Variants in BOC observed in about 807,000 individuals in gnomAD.
BOC encodes the protein BOC cell adhesion associated, oncogene regulated, also known as brother of CDO.
BOC carries 76 observed loss-of-function variants against 112.0 expected under a neutral mutation model. The observed-to-expected ratio is 0.68, with a 90% CI of 0.56 to 0.82. The LOEUF (loss-of-function observed/expected upper bound fraction) is 0.82, where lower values mean the gene tolerates loss of function less well. Among genes scored for constraint, BOC ranks in the 40% least tolerant of loss-of-function variants. The pLI is 0.00. For synonymous variants in BOC, 580 were observed against 599.8 expected (o/e 0.97, Z 0.48); for missense variants, 1,309 against 1,511.7 (o/e 0.87, Z 2.22).
chr3:113,262,295 C>T (rs970770714), intron 4 of BOC, among the ~76,000 whole-genome samples: 6 of 152,222 alleles, frequency 3.9e-5, no homozygotes, highest in African/African-American at 1.4e-4. Flanking sequence ...GTGAGGACTA[C>T]GCTGGAGAAC....
chr3:113,255,574 C>G (rs1450234212), intron 4 of BOC, among the ~76,000 whole-genome samples: 1 of 152,160 alleles, frequency 6.6e-6, no homozygotes, highest in East Asian at 1.9e-4. Context: ...AGGTAGCTAC[C>G]TATAATTCTA....
At chr3:113,264,689 G>C (rs2107584891) in intron 4 of BOC, among the ~76,000 whole-genome samples, 1 of 152,236 alleles carries the variant, frequency 6.6e-6, no homozygotes, top group South Asian at 2.1e-4. Context: ...ACTAGAGAAA[G>C]GGGTCCTCTG....
chr3:113,271,261 T>C, intron 6 of BOC: 1 of 532,158 alleles, frequency 1.9e-6, no homozygotes, highest in Non-Finnish European at 3.6e-6. Context: ...CGGTGGGTCT[T>C]GTCTCAAGCT....
rs61735687 is a variant in BOC at position 113,279,827 on chromosome 3, C to T, written c.2027C>T (p.Thr676Ile). The change falls in exon 13 of 20, where the codon ACC (threonine) becomes ATC (isoleucine). Residue 676 changes from threonine (T) to isoleucine (I), a missense_variant. Transcript: ENST00000682979. The part of the protein sequence containing the change: ...SVEITGLEKG[T>I]SYKFRVRALN... The stretch of plus-strand genomic sequence containing the variant: ...CAGTGAGTGTCCCTCTCACCAGGCA[C>T]CTCCTACAAGTTTCGAGTCCGGGCT... 8.7e-6 allele frequency: 14 copies of T among 1,604,158 alleles called. No individual in the cohort carries two copies. Among genetic ancestry groups the T allele is most frequent in the Admixed American group, 5.1e-5 (3 of 58,752 alleles).
Position 113,216,281 on chromosome 3 carries a change from G to A in BOC, c.-82+7G>A, listed in dbSNP as rs1939346520. On this transcript the variant is annotated splice_region_variant and intron_variant, in intron 2 of 19. Transcript: ENST00000682979. ...CAGCTCGAAAGTAGAAGAAGTGGGT[G>A]AGGTTTTCTCTTCAGTCTGATAGCT... 4.4e-6 allele frequency: 2 copies of A among 456,544 alleles called. No individual in the cohort carries two copies. Among genetic ancestry groups the A allele is most frequent in the Non-Finnish European group, 4.4e-6 (1 of 226,938 alleles). 28.3% of individuals were successfully genotyped at this position (456,544 alleles called of 1,614,324 possible). A position where few individuals can be genotyped will look rare whatever the true frequency, so the allele number is the denominator to read the frequency against.
intron 2 of BOC, among the ~76,000 whole-genome samples, chr3:113,236,809 G>C (rs528273513): frequency 6.6e-6 from 1 of 152,340 alleles, no homozygotes; most frequent in Non-Finnish European, 1.5e-5. Flanking sequence ...CAGGCATCCA[G>C]TGAATGGCTT....
rs146459508 is a variant in BOC, at chr3:113,286,896, G to GTT, written c.*43_*44dup. 8,104 of 1,285,798 alleles carry GTT rather than the reference G, an allele frequency of 6.3e-3. 11 individuals are homozygous for GTT. Among genetic ancestry groups the GTT allele is most frequent in the East Asian group, 0.025 (900 of 36,014 alleles). The allele number at this position is 1,285,798 out of a possible 1,614,324, so 79.6% of individuals were successfully genotyped here. A position where few individuals can be genotyped will look rare whatever the true frequency, so the allele number is the denominator to read the frequency against. ...TGATATCCCAGAAAGACTATATATT[G>GTT]TTTTTTTTTTAAAAAAAAAAAGAAG... is the stretch of plus-strand genomic sequence containing the variant. On this transcript the variant is annotated 3_prime_UTR_variant, in exon 20 of 20. Coordinates refer to ENST00000682979, the MANE Select transcript of BOC (RefSeq NM_001378074.1).
chr3:113,249,186 C>T (rs755447896), intron 2 of BOC, among the ~76,000 whole-genome samples: 2 of 152,172 alleles, frequency 1.3e-5, no homozygotes, highest in African/African-American at 2.4e-5. Flanking sequence ...TTTCATGAGT[C>T]ACTGAGATGC....
intron 7 of BOC, 70 bp from the exon 8 acceptor site, chr3:113,272,999 C>G: frequency 6.6e-7 from 1 of 1,525,340 alleles, no homozygotes; most frequent in Non-Finnish European, 8.9e-7. Context: ...CTAACTACAT[C>G]CCTCCCAGCC....
At chr3:113,254,402 G>A (rs768161179) in intron 4 of BOC, among the ~76,000 whole-genome samples, 4 of 152,190 alleles carry the variant, frequency 2.6e-5, no homozygotes, top group African/African-American at 4.8e-5. Flanking sequence ...ACGAGGTGGC[G>A]GGAAGGTGGG....
At chr3:113,262,502 G>A (rs1308887524) in intron 4 of BOC, among the ~76,000 whole-genome samples, 7 of 152,142 alleles carry the variant, frequency 4.6e-5, no homozygotes, top group Non-Finnish European at 8.8e-5. Flanking sequence ...GTTTTGTCCC[G>A]CTTTGTGGGC....
intron 2 of BOC, among the ~76,000 whole-genome samples, chr3:113,217,399 C>T (rs1466848): frequency 0.91 from 138,313 of 152,208 alleles, 62,966 homozygotes; most frequent in Non-Finnish European, 0.94. Flanking sequence ...TGGTGGCATG[C>T]GCCTGTAATC....
At chr3:113,261,191 G>A (rs1345864985) in intron 4 of BOC, among the ~76,000 whole-genome samples, 1 of 152,100 alleles carries the variant, frequency 6.6e-6, no homozygotes, top group Non-Finnish European at 1.5e-5. Flanking sequence ...CTCAGCCTCC[G>A]CTTTCTCTCC....
At chr3:113,284,694 G>A in intron 17 of BOC, 88 bp from the exon 18 acceptor site, 2 of 1,524,466 alleles carry the variant, frequency 1.3e-6, no homozygotes, top group Non-Finnish European at 1.8e-6. Flanking sequence ...TCTTTAGTCA[G>A]GAGCAGATGC....
chr3:113,249,622 C>T (rs1576410213), intron 2 of BOC, 100 bp from the exon 3 acceptor site: 1 of 525,686 alleles, frequency 1.9e-6, no homozygotes, highest in East Asian at 3.4e-5. Context: ...TGAATGTTGC[C>T]AACAGGGAAC....
At chr3:113,279,655 C>T (rs1949002867) in intron 12 of BOC, 169 bp from the exon 13 acceptor site, 2 of 842,648 alleles carry the variant, frequency 2.4e-6, no homozygotes, top group Non-Finnish European at 3.7e-6. Context: ...GAGCCATCTC[C>T]CCTGCAGCTC....
chr3:113,279,574 GCCTCCATGTTGCTGTCTGTGGTGTTTA>G, intron 12 of BOC, 119 bp downstream of exon 12: 2 of 1,001,004 alleles, frequency 2.0e-6, no homozygotes, highest in South Asian at 3.2e-5. Flanking sequence ...CCACCAGCAT[GCCTCCATGTTGCTGTCTGTGGTGTTTA>G]CCACAGTCCT....
chr3:113,283,721 A>ACACAACGGCAAGAAGACAGATTTCATGAG, intron 16 of BOC, 89 bp downstream of exon 16: 1 of 1,304,858 alleles, frequency 7.7e-7, no homozygotes. Context: ...GTGTCCATGG[A>ACACAACGGCAAGAAGACAGATTTCATGAG]AAGCTCAAGC....
At position 113,284,498 on chromosome 3, in the gene BOC, C is replaced by A; in HGVS notation, c.2820C>A (p.Gly940=). The A allele has an allele frequency of 6.2e-7, 1 of 1,614,168 alleles. No individual in the cohort carries two copies. Among genetic ancestry groups the A allele is most frequent in the Non-Finnish European group, 8.5e-7 (1 of 1,180,000 alleles). Residue 940 remains glycine, a synonymous_variant, in exon 17 of 20, where the codon GGC becomes GGA. Transcript: ENST00000682979. The part of the protein sequence containing the change: ...ACANGIHMNR[G]CPSAAVGYPG... ...CTAATGGGATCCACATGAATAGGGG[C>A]TGCCCCTCGGCTGCAGTGGGCTACC...
Sources: gnomAD v4.1 joint callset for allele counts (sites outside exome capture counted in the v4.1 genomes callset) on GRCh38, gnomAD v4.1.1 for gene constraint, MANE v1.5 for transcripts, NCBI Gene and HGNC (gene_info 2026-07-23, HGNC 2026-07-21) for gene names.